TAS2R1: variants seen among roughly 807,000 people sequenced by gnomAD.
TAS2R1 encodes the protein taste 2 receptor member 1.
For synonymous variants in TAS2R1, 141 were observed against 134.2 expected, an observed-to-expected ratio of 1.05 and a Z score of -0.35; for missense variants, 370 against 353.4, an observed-to-expected ratio of 1.05 and a Z score of -0.38.
chr5:9,812,992 C>T, the TAS2R1 span, among the ~76,000 whole-genome samples: 2 of 152,118 alleles, frequency 1.3e-5, no homozygotes, highest in East Asian at 3.9e-4. Context: ...ACTGTGTTCC[C>T]CACAAATTCA....
At chr5:9,732,240 C>G in the TAS2R1 span, among the ~76,000 whole-genome samples, 1 of 152,080 alleles carries the variant, frequency 6.6e-6, no homozygotes, top group Non-Finnish European at 1.5e-5. Flanking sequence ...ACGAGGGCAG[C>G]CTTTAGTAAT....
At chr5:9,821,946 C>T in the TAS2R1 span, among the ~76,000 whole-genome samples, 3 of 152,138 alleles carry the variant, frequency 2.0e-5, no homozygotes, top group Non-Finnish European at 4.4e-5. Context: ...CCATGCCCAG[C>T]CCTGGCAAAT....
the TAS2R1 span, among the ~76,000 whole-genome samples, chr5:9,831,862 A>C: frequency 1.3e-5 from 2 of 152,206 alleles, no homozygotes; most frequent in Non-Finnish European, 2.9e-5. Context: ...AAAATTTTCC[A>C]AACAAAATTC....
chr5:9,764,254 T>C, the TAS2R1 span, among the ~76,000 whole-genome samples: 6 of 152,252 alleles, frequency 3.9e-5, no homozygotes, highest in African/African-American at 1.4e-4. Flanking sequence ...TGTATCAATA[T>C]GGCACTTACT....
chr5:9,692,786 G>A (rs1204503570), intron 1 of TAS2R1, among the ~76,000 whole-genome samples: 2 of 152,162 alleles, frequency 1.3e-5, no homozygotes, highest in Non-Finnish European at 1.5e-5. Context: ...TATGTGATGC[G>A]GAGCTGGATT....
At chr5:9,818,627 C>G in the TAS2R1 span, among the ~76,000 whole-genome samples, 1 of 152,192 alleles carries the variant, frequency 6.6e-6, no homozygotes, top group Non-Finnish European at 1.5e-5. Context: ...TCTCATCCAG[C>G]ACAGCATGCT....
At chr5:9,846,151 T>G in the TAS2R1 span, among the ~76,000 whole-genome samples, 16 of 152,202 alleles carry the variant, frequency 1.1e-4, no homozygotes, top group Non-Finnish European at 1.6e-4. Context: ...CTATTTCCGA[T>G]GAAGGGCTAG....
the TAS2R1 span, among the ~76,000 whole-genome samples, chr5:9,773,601 A>C: frequency 4.6e-5 from 7 of 152,192 alleles, no homozygotes; most frequent in African/African-American, 1.7e-4. Flanking sequence ...CTCACAGGAC[A>C]GGTCTGGTGT....
chr5:9,729,611 G>T, the TAS2R1 span, among the ~76,000 whole-genome samples: 1 of 151,918 alleles, frequency 6.6e-6, no homozygotes, highest in East Asian at 1.9e-4. Context: ...TAGGGTACAT[G>T]TGCACAATGT....
intron 2 of TAS2R1, among the ~76,000 whole-genome samples, chr5:9,639,188 T>A (rs1048778650): frequency 2.6e-5 from 4 of 152,156 alleles, no homozygotes; most frequent in Non-Finnish European, 5.9e-5. Flanking sequence ...TCCTTCACCC[T>A]GTGACCCCTC....
At chr5:9,894,357 T>A in the TAS2R1 span, among the ~76,000 whole-genome samples, 4 of 150,790 alleles carry the variant, frequency 2.7e-5, no homozygotes. Flanking sequence ...TGAGCCAAGA[T>A]CACGCCATTG....
the TAS2R1 span, among the ~76,000 whole-genome samples, chr5:9,898,970 T>G: frequency 6.6e-6 from 1 of 152,208 alleles, no homozygotes; most frequent in African/African-American, 2.4e-5. Flanking sequence ...GAAGTGGACA[T>G]GGAACTGCGA....
At chr5:9,827,309 A>G in the TAS2R1 span, among the ~76,000 whole-genome samples, 1 of 152,168 alleles carries the variant, frequency 6.6e-6, no homozygotes, top group Non-Finnish European at 1.5e-5. Flanking sequence ...ACATCGCTGT[A>G]CATCCATTTG....
chr5:9,737,454 T>C, the TAS2R1 span, among the ~76,000 whole-genome samples: 10 of 152,348 alleles, frequency 6.6e-5, no homozygotes, highest in South Asian at 1.9e-3. Flanking sequence ...GGTGAAATCA[T>C]GCATGCTGAG....
chr5:9,840,746 T>A, the TAS2R1 span, among the ~76,000 whole-genome samples: 1 of 151,890 alleles, frequency 6.6e-6, no homozygotes, highest in Non-Finnish European at 1.5e-5. Flanking sequence ...CATTAGAATA[T>A]TTTTAGTGAA....
At chr5:9,849,759 G>A in the TAS2R1 span, among the ~76,000 whole-genome samples, 2 of 152,198 alleles carry the variant, frequency 1.3e-5, no homozygotes, top group African/African-American at 2.4e-5. Context: ...GTAAACACTG[G>A]TTAATTGACA....
chr5:9,734,941 C>T, the TAS2R1 span, among the ~76,000 whole-genome samples: 3 of 151,382 alleles, frequency 2.0e-5, no homozygotes, highest in Non-Finnish European at 4.4e-5. Flanking sequence ...GAAGAACTAC[C>T]TGAGACTGAG....
chr5:9,873,359 A>G, the TAS2R1 span, among the ~76,000 whole-genome samples: 1 of 150,544 alleles, frequency 6.6e-6, no homozygotes, highest in African/African-American at 2.4e-5. Context: ...GGCCCCACAC[A>G]GGGGTGCCCC....
chr5:9,891,304 T>C, the TAS2R1 span, among the ~76,000 whole-genome samples: 2 of 152,120 alleles, frequency 1.3e-5, no homozygotes, highest in Non-Finnish European at 2.9e-5. Context: ...ACAATGCCAA[T>C]CTCTCATTTC....
Sources: allele counts gnomAD v4.1 joint callset (sites outside exome capture counted in the v4.1 genomes callset), GRCh38; gene constraint gnomAD v4.1.1; transcripts MANE v1.5; gene names NCBI Gene and HGNC (gene_info 2026-07-23, HGNC 2026-07-21).